Variants in KAZN observed in about 807,000 individuals in gnomAD.
The protein encoded by KAZN is kazrin.
A neutral mutation model predicts 87.4 loss-of-function variants in KAZN; 40 were observed. That is an observed-to-expected ratio of 0.46 (90% confidence interval 0.36 to 0.60). The LOEUF is 0.60. KAZN is among the 20% of genes least tolerant of loss of function. The pLI, the probability that KAZN is intolerant of heterozygous loss-of-function variation, is 0.00. For missense variants in KAZN, 898 were observed against 1,073.9 expected (o/e 0.84, Z 2.29); for synonymous variants, 466 against 458.3 (o/e 1.02, Z -0.22).
intron 1 of KAZN, among the ~76,000 whole-genome samples, chr1:14,024,386 C>T (rs1640977180): frequency 6.6e-6 from 1 of 152,218 alleles, no homozygotes; most frequent in Non-Finnish European, 1.5e-5. Flanking sequence ...TGAAAGATCA[C>T]ATATACTCAC....
At chr1:14,851,758 A>G (rs112973821) in intron 1 of KAZN, among the ~76,000 whole-genome samples, 3 of 152,340 alleles carry the variant, frequency 2.0e-5, no homozygotes, top group African/African-American at 7.2e-5. Flanking sequence ...CAGGCAGAAC[A>G]GCGCCCAATA....
At chr1:14,676,288 G>A (rs1464406833) in intron 1 of KAZN, among the ~76,000 whole-genome samples, 2 of 152,186 alleles carry the variant, frequency 1.3e-5, no homozygotes, top group Non-Finnish European at 2.9e-5. Flanking sequence ...TATTCTGTTG[G>A]ATTCCCTCTA....
chr1:14,421,242 C>T (rs1665407333), intron 2 of KAZN, among the ~76,000 whole-genome samples: 1 of 152,146 alleles, frequency 6.6e-6, no homozygotes, highest in Non-Finnish European at 1.5e-5. Context: ...TTAAAATATT[C>T]CTTGGAGTGA....
At chr1:14,102,809 G>A (rs1016049831) in intron 1 of KAZN, among the ~76,000 whole-genome samples, 8 of 152,052 alleles carry the variant, frequency 5.3e-5, no homozygotes, top group Non-Finnish European at 7.3e-5. Flanking sequence ...GAGGCCAGGC[G>A]TCTGAGATCA....
intron 2 of KAZN, among the ~76,000 whole-genome samples, chr1:14,403,883 A>G (rs535157566): frequency 3.7e-4 from 57 of 152,178 alleles, no homozygotes; most frequent in African/African-American, 1.3e-3. Context: ...CACTATAGTG[A>G]AGTTAAGAGC....
intron 1 of KAZN, among the ~76,000 whole-genome samples, chr1:14,654,068 C>G (rs1448449497): frequency 6.6e-6 from 1 of 152,164 alleles, no homozygotes; most frequent in Non-Finnish European, 1.5e-5. Flanking sequence ...GGCGTATCGC[C>G]TGAGTTCAAG....
intron 2 of KAZN, among the ~76,000 whole-genome samples, chr1:14,205,564 G>A (rs1320787774): frequency 6.6e-6 from 1 of 151,990 alleles, no homozygotes; most frequent in Admixed American, 6.6e-5. Context: ...AGCCAGCATT[G>A]CGAAAACACA....
intron 1 of KAZN, among the ~76,000 whole-genome samples, chr1:14,850,077 A>T (rs991875395): frequency 1.3e-5 from 2 of 151,928 alleles, no homozygotes; most frequent in African/African-American, 4.8e-5. Context: ...CTGGGACTAC[A>T]GGTGTACGCC....
Position 15,114,765 on chromosome 1 carries a change from C to T in KAZN, c.*130C>T, listed in dbSNP as rs1641783599. 2 of 902,232 alleles carry T rather than the reference C, an allele frequency of 2.2e-6. No individual in the cohort carries two copies. The highest frequency in any genetic ancestry group is 5.7e-5 in the Admixed American group (2 of 34,866). 55.9% of individuals were successfully genotyped at this position (902,232 alleles called of 1,614,324 possible). On this transcript the variant is annotated 3_prime_UTR_variant, in exon 15 of 15. Coordinates refer to ENST00000376030, the MANE Select transcript of KAZN (RefSeq NM_201628.3). ...GATGTCCCTTGCTCCTGGGCAAAAT[C>T]CCGATGGACTCTGCGGTTTCAGCTC... is the stretch of plus-strand genomic sequence containing the variant.
At chr1:14,075,750 T>C (rs1292716159) in intron 1 of KAZN, among the ~76,000 whole-genome samples, 2 of 152,172 alleles carry the variant, frequency 1.3e-5, no homozygotes, top group Admixed American at 6.5e-5. Flanking sequence ...ACACTTGGGC[T>C]GAATAGTTCT....
intron 2 of KAZN, among the ~76,000 whole-genome samples, chr1:14,299,988 G>T (rs112166519): frequency 1.3e-5 from 2 of 152,126 alleles, no homozygotes; most frequent in East Asian, 1.9e-4. Flanking sequence ...AAGGCCTTTT[G>T]TGGGGGTAGG....
At chr1:13,984,262 G>A (rs576644979) in intron 1 of KAZN, among the ~76,000 whole-genome samples, 129 of 152,152 alleles carry the variant, frequency 8.5e-4, no homozygotes, top group Non-Finnish European at 1.6e-3. Context: ...TGCCCGCCTC[G>A]GCCTCCCAAA....
chr1:14,202,642 G>T (rs1213623185), intron 2 of KAZN, among the ~76,000 whole-genome samples: 2 of 152,156 alleles, frequency 1.3e-5, no homozygotes, highest in African/African-American at 2.4e-5. Context: ...ATTTTAGCTA[G>T]TGACCTCAGG....
intron 2 of KAZN, among the ~76,000 whole-genome samples, chr1:14,509,064 C>A (rs887548885): frequency 6.6e-6 from 1 of 152,192 alleles, no homozygotes; most frequent in African/African-American, 2.4e-5. Context: ...AAAGGAAAAG[C>A]GTATAGTGTT....
intron 2 of KAZN, among the ~76,000 whole-genome samples, chr1:14,280,466 C>G (rs917164719): frequency 1.3e-5 from 2 of 149,902 alleles, no homozygotes; most frequent in Non-Finnish European, 3.0e-5. Flanking sequence ...GAACTGTGGA[C>G]TCAGACAGGC....
intron 8 of KAZN, among the ~76,000 whole-genome samples, chr1:15,071,017 G>A (rs1345932170): frequency 2.6e-5 from 4 of 152,170 alleles, no homozygotes; most frequent in Non-Finnish European, 5.9e-5. Flanking sequence ...AGAACCTGGT[G>A]ATAATGAAGA....
intron 1 of KAZN, among the ~76,000 whole-genome samples, chr1:14,848,942 G>C (rs906802394): frequency 1.3e-5 from 2 of 152,196 alleles, no homozygotes; most frequent in African/African-American, 4.8e-5. Flanking sequence ...AGCGGGGGCT[G>C]GCTAGAGGGG....
intron 1 of KAZN, among the ~76,000 whole-genome samples, chr1:14,838,854 T>C (rs985359244): frequency 1.3e-5 from 2 of 152,132 alleles, no homozygotes; most frequent in African/African-American, 4.8e-5. Context: ...ACTCCTGACC[T>C]CAAATGATCC....
intron 8 of KAZN, among the ~76,000 whole-genome samples, chr1:15,086,288 A>T (rs552877992): frequency 6.6e-6 from 1 of 152,292 alleles, no homozygotes; most frequent in Admixed American, 6.5e-5. Flanking sequence ...AGAAAATTTT[A>T]AAAGTAGCTA....
Sources: gnomAD v4.1 joint callset for allele counts (sites outside exome capture counted in the v4.1 genomes callset) on GRCh38, gnomAD v4.1.1 for gene constraint, MANE v1.5 for transcripts, NCBI Gene and HGNC (gene_info 2026-07-23, HGNC 2026-07-21) for gene names.